Variants in RIT2 observed in about 807,000 individuals in gnomAD.
RIT2 encodes GTP-binding protein Rit2.
Under a neutral mutation model 23.7 loss-of-function variants are expected in RIT2, and 24 were observed. The observed-to-expected ratio is 1.01, with a 90% CI of 0.73 to 1.43. The LOEUF (loss-of-function observed/expected upper bound fraction) is 1.43. Ranked by LOEUF, RIT2 falls within the 40% of genes most tolerant of loss-of-function variation. The pLI, the probability that RIT2 is intolerant of heterozygous loss-of-function variation, is 0.00. For missense variants in RIT2, 236 were observed against 266.9 expected, an observed-to-expected ratio of 0.88 and a Z score of 0.81; for synonymous variants, 107 against 91.1, an observed-to-expected ratio of 1.17 and a Z score of -0.99.
At position 42,962,096 on chromosome 18, in the gene RIT2, C is replaced by T. The variant is rs114026906; in HGVS notation, c.234+11978G>A. ...TTAGGGGTGAAAGCACCGGTAGCTA[C>T]GTAAGCAGACTACTACCATACTTAC... On this transcript the variant is annotated intron_variant, in intron 3 of 4. Transcript: ENST00000326695. 5.2e-3 allele frequency among the ~76,000 whole-genome samples: 786 copies of T among 152,244 alleles called. 7 individuals carry two copies. Among genetic ancestry groups the T allele is most frequent in the African/African-American group, 0.018 (736 of 41,552 alleles).
chr18:42,787,985 TTAA>T (rs201903367), intron 4 of RIT2, among the ~76,000 whole-genome samples: 4,546 of 151,898 alleles, frequency 0.03, 316 homozygotes, highest in East Asian at 0.26. Flanking sequence ...AATATGAATG[TTAA>T]TAAAAGTTTA....
rs1397733214 is a variant in RIT2 at position 42,920,648 on chromosome 18, G to A, written c.426+2924C>T. 6 of 1,251,042 alleles carry A rather than the reference G, an allele frequency of 4.8e-6. No individual in the cohort carries two copies. The East Asian group carries it at 9.3e-5, about 19-fold the overall frequency. 77.5% of individuals were successfully genotyped at this position (1,251,042 alleles called of 1,614,324 possible). A position where few individuals can be genotyped will look rare whatever the true frequency, so the allele number is the denominator to read the frequency against. On this transcript the variant is annotated intron_variant, in intron 4 of 4. Transcript: ENST00000326695. ...TTTCTTTTTATCTTTTTTAGAAAGG[G>A]CCCTGGGATTTCCCAAAATGCATTA...
intron 1 of RIT2, among the ~76,000 whole-genome samples, chr18:43,038,229 A>AT (rs892538505): frequency 1.1e-4 from 16 of 139,788 alleles, no homozygotes; most frequent in East Asian, 6.2e-4. Context: ...GCAGTTTCAG[A>AT]TTTTTTTTTT....
intron 4 of RIT2, among the ~76,000 whole-genome samples, chr18:42,898,832 T>A (rs1908400183): frequency 6.6e-6 from 1 of 152,114 alleles, no homozygotes; most frequent in Non-Finnish European, 1.5e-5. Flanking sequence ...CAATTTAGAC[T>A]CCTCCAATGT....
chr18:43,002,982 G>C (rs1304003310), intron 2 of RIT2, among the ~76,000 whole-genome samples: 1 of 151,872 alleles, frequency 6.6e-6, no homozygotes, highest in African/African-American at 2.4e-5. Context: ...ATGCTGTGTT[G>C]TTGGCACTGA....
intron 2 of RIT2, among the ~76,000 whole-genome samples, chr18:43,014,611 A>C (rs1416873172): frequency 6.7e-6 from 1 of 148,792 alleles, no homozygotes; most frequent in Non-Finnish European, 1.5e-5. Flanking sequence ...CATTTTTAAA[A>C]TATAATAAAT....
chr18:42,771,204 C>T (rs1913544176), intron 4 of RIT2, among the ~76,000 whole-genome samples: 1 of 152,052 alleles, frequency 6.6e-6, no homozygotes, highest in African/African-American at 2.4e-5. Context: ...ACATGTCTTT[C>T]CTTTCTCATC....
intron 4 of RIT2, among the ~76,000 whole-genome samples, chr18:42,859,223 C>G (rs138437570): frequency 1.4e-3 from 219 of 152,222 alleles, no homozygotes; most frequent in African/African-American, 5.0e-3. Flanking sequence ...TATTGTTGGG[C>G]TATGCCTTGT....
chr18:42,923,185 G>T (rs1227098254), intron 4 of RIT2, among the ~76,000 whole-genome samples: 1 of 152,082 alleles, frequency 6.6e-6, no homozygotes, highest in Non-Finnish European at 1.5e-5. Context: ...ATCTCATTTT[G>T]TCCACATGAC....
At chr18:42,867,111 T>C (rs1907492287) in intron 4 of RIT2, among the ~76,000 whole-genome samples, 1 of 152,218 alleles carries the variant, frequency 6.6e-6, no homozygotes, top group Admixed American at 6.5e-5. Flanking sequence ...GAGGCTTCTT[T>C]ATAATCTCCC....
Position 42,917,901 on chromosome 18 carries a change from T to C in RIT2, c.426+5671A>G, listed in dbSNP as rs566223492. On this transcript the variant is annotated intron_variant, in intron 4 of 4. Transcript: ENST00000326695. ...ACCATCTTGACCACCCTAGAGAAAA[T>C]ACAGCTCTGATTCTTACACTCCACA... Among the ~76,000 whole-genome samples, 8 of 152,192 alleles carry C rather than the reference T, an allele frequency of 5.3e-5. No homozygotes were observed. The East Asian group carries it at 5.8e-4, about 11-fold the overall frequency.
chr18:42,912,485 C>CT (rs1199547025), intron 4 of RIT2, among the ~76,000 whole-genome samples: 1 of 151,858 alleles, frequency 6.6e-6, no homozygotes, highest in Non-Finnish European at 1.5e-5. Flanking sequence ...CTAAAACTCT[C>CT]TATTTACAAA....
At chr18:42,936,852 A>G (rs1909471791) in intron 3 of RIT2, among the ~76,000 whole-genome samples, 2 of 152,102 alleles carry the variant, frequency 1.3e-5, no homozygotes, top group African/African-American at 4.8e-5. Context: ...TCTCTACTAA[A>G]TATACAAAAA....
chr18:42,907,946 T>A (rs1382246060), intron 4 of RIT2, among the ~76,000 whole-genome samples: 1 of 151,182 alleles, frequency 6.6e-6, no homozygotes, highest in African/African-American at 2.4e-5. Flanking sequence ...ATCACTGCAC[T>A]CCAGCGTGGG....
intron 4 of RIT2, among the ~76,000 whole-genome samples, chr18:42,902,809 A>T (rs1228248864): frequency 1.3e-5 from 2 of 151,812 alleles, no homozygotes; most frequent in African/African-American, 4.8e-5. Flanking sequence ...AAAAGAAAAA[A>T]ATCATAAATA....
intron 4 of RIT2, among the ~76,000 whole-genome samples, chr18:42,811,867 A>T (rs895816131): frequency 6.6e-6 from 1 of 152,168 alleles, no homozygotes; most frequent in Non-Finnish European, 1.5e-5. Flanking sequence ...TAAGTTATTC[A>T]GAGAATGCAA....
intron 3 of RIT2, among the ~76,000 whole-genome samples, chr18:42,961,727 C>A (rs1910097516): frequency 6.6e-6 from 1 of 152,118 alleles, no homozygotes; most frequent in Non-Finnish European, 1.5e-5. Flanking sequence ...GCTATTTAGG[C>A]TACATTTTCT....
intron 4 of RIT2, among the ~76,000 whole-genome samples, chr18:42,835,644 G>A (rs16977039): frequency 0.016 from 2,377 of 152,126 alleles, 72 homozygotes; most frequent in African/African-American, 0.055. Context: ...TAAAGATAAG[G>A]TTTTCAATGT....
intron 4 of RIT2, among the ~76,000 whole-genome samples, chr18:42,773,730 G>A (rs1410942560): frequency 1.3e-5 from 2 of 152,024 alleles, no homozygotes; most frequent in African/African-American, 4.8e-5. Context: ...GAATTAATGA[G>A]TACACAAATT....
Sources: gnomAD v4.1 joint callset for allele counts (sites outside exome capture counted in the v4.1 genomes callset) on GRCh38, gnomAD v4.1.1 for gene constraint, MANE v1.5 for transcripts, NCBI Gene and HGNC (gene_info 2026-07-23, HGNC 2026-07-21) for gene names.